Variants in PAPPA2 observed in about 807,000 individuals in gnomAD.
The protein encoded by PAPPA2 is pappalysin-2.
A neutral mutation model predicts 176.4 loss-of-function variants in PAPPA2; 86 were observed. That is an observed-to-expected ratio of 0.49 (90% confidence interval 0.41 to 0.58). The LOEUF is 0.58. Ranked by LOEUF, PAPPA2 falls within the 20% of genes least tolerant of loss-of-function variation. The pLI, the probability that PAPPA2 is intolerant of heterozygous loss-of-function variation, is 0.00. For synonymous variants in PAPPA2, 809 were observed against 852.2 expected, an observed-to-expected ratio of 0.95 and a Z score of 0.88; for missense variants, 2,073 against 2,256.9, an observed-to-expected ratio of 0.92 and a Z score of 1.65.
At chr1:176,652,344 T>C (rs1657775501) in intron 3 of PAPPA2, among the ~76,000 whole-genome samples, 1 of 151,808 alleles carries the variant, frequency 6.6e-6, no homozygotes, top group African/African-American at 2.4e-5. Context: ...TATCTATTAA[T>C]CTGTTGCTTT....
intron 12 of PAPPA2, among the ~76,000 whole-genome samples, chr1:176,731,036 A>G (rs1328194253): frequency 6.6e-6 from 1 of 152,076 alleles, no homozygotes; most frequent in African/African-American, 2.4e-5. Context: ...GTCCAAGGTA[A>G]AAATGTGTGC....
intron 21 of PAPPA2, among the ~76,000 whole-genome samples, chr1:176,802,966 C>T (rs1440200439): frequency 6.6e-6 from 1 of 152,164 alleles, no homozygotes; most frequent in Non-Finnish European, 1.5e-5. Flanking sequence ...TGCTTGTGTT[C>T]CCATTGTCCC....
chr1:176,691,221 A>C, intron 5 of PAPPA2: 1 of 958,612 alleles, frequency 1.0e-6, no homozygotes, highest in Non-Finnish European at 1.2e-6. Flanking sequence ...TGGTGAAAGA[A>C]GATATTTTTT....
intron 1 of PAPPA2, among the ~76,000 whole-genome samples, chr1:176,512,496 T>C (rs990802219): frequency 2.6e-5 from 4 of 152,126 alleles, no homozygotes; most frequent in African/African-American, 4.8e-5. Context: ...AGAAACTAGA[T>C]ACAAAAGAGT....
chr1:176,679,673 A>G (rs535238213), intron 4 of PAPPA2, among the ~76,000 whole-genome samples: 57 of 152,332 alleles, frequency 3.7e-4, no homozygotes, highest in African/African-American at 1.3e-3. Context: ...AGGCTGGTGC[A>G]AAACTCTGAG....
At chr1:176,687,661 G>A (rs1659905320) in intron 4 of PAPPA2, among the ~76,000 whole-genome samples, 1 of 152,110 alleles carries the variant, frequency 6.6e-6, no homozygotes, top group Admixed American at 6.6e-5. Context: ...AAGGACCTGG[G>A]CCTGTCTGGC....
At position 176,556,306 on chromosome 1, in the gene PAPPA2, A is replaced by T. The variant is rs763912827; in HGVS notation, c.-17A>T. 1 of 1,604,964 alleles carries T rather than the reference A, an allele frequency of 6.2e-7. No individual in the cohort carries two copies. The highest frequency in any genetic ancestry group is 1.7e-5 in the Admixed American group (1 of 59,394). Reference sequence around the variant, plus strand: ...CAGAAGTTGACTTCTGGTTCTGTAGAAAGAGCTAGGGGAGGTATGATGTGC... The same window carrying T: ...CAGAAGTTGACTTCTGGTTCTGTAGTAAGAGCTAGGGGAGGTATGATGTGC... On this transcript the variant is annotated 5_prime_UTR_variant, in exon 2 of 23. Coordinates refer to ENST00000367662, the MANE Select transcript of PAPPA2 (RefSeq NM_020318.3).
chr1:176,578,940 C>G (rs1652806165), intron 2 of PAPPA2, among the ~76,000 whole-genome samples: 1 of 152,142 alleles, frequency 6.6e-6, no homozygotes. Flanking sequence ...AGGTGGATTT[C>G]TGACAGTTCT....
chr1:176,572,008 C>T (rs1385206161), intron 2 of PAPPA2, among the ~76,000 whole-genome samples: 1 of 152,154 alleles, frequency 6.6e-6, no homozygotes, highest in Non-Finnish European at 1.5e-5. Flanking sequence ...ACCGTCAGAG[C>T]ATCACAGGCC....
At chr1:176,564,033 C>T (rs1266922918) in intron 2 of PAPPA2, among the ~76,000 whole-genome samples, 3 of 152,208 alleles carry the variant, frequency 2.0e-5, no homozygotes, top group Middle Eastern at 3.2e-3. Context: ...TCTCTCCCAG[C>T]CTTTTCAGGA....
intron 2 of PAPPA2, among the ~76,000 whole-genome samples, chr1:176,564,816 T>C (rs1651869545): frequency 6.6e-6 from 1 of 152,002 alleles, no homozygotes; most frequent in African/African-American, 2.4e-5. Flanking sequence ...TTTAGTATTC[T>C]TACAGACTTA....
chr1:176,528,035 C>A (rs1461259396), intron 1 of PAPPA2, among the ~76,000 whole-genome samples: 1 of 152,218 alleles, frequency 6.6e-6, no homozygotes, highest in Non-Finnish European at 1.5e-5. Flanking sequence ...CCTGGGTAAA[C>A]CATGACAGTT....
At chr1:176,689,681 T>G (rs1660011760) in intron 4 of PAPPA2, among the ~76,000 whole-genome samples, 2 of 152,166 alleles carry the variant, frequency 1.3e-5, no homozygotes, top group African/African-American at 4.8e-5. Flanking sequence ...TTAGATCAGA[T>G]TTCCTTGACT....
At chr1:176,657,481 G>A (rs552911584) in intron 3 of PAPPA2, among the ~76,000 whole-genome samples, 30 of 151,982 alleles carry the variant, frequency 2.0e-4, no homozygotes, top group Admixed American at 9.9e-4. Flanking sequence ...TTGAGAAAGC[G>A]TGGAGTTTGT....
At chr1:176,784,115 G>A (rs1348071248) in intron 17 of PAPPA2, among the ~76,000 whole-genome samples, 1 of 152,170 alleles carries the variant, frequency 6.6e-6, no homozygotes, top group Non-Finnish European at 1.5e-5. Context: ...TACAAATGAG[G>A]TATTTTAGCT....
At chr1:176,821,261 G>C (rs1485840114) in intron 21 of PAPPA2, among the ~76,000 whole-genome samples, 1 of 152,252 alleles carries the variant, frequency 6.6e-6, no homozygotes, top group Admixed American at 6.5e-5. Flanking sequence ...AGTATAAGCC[G>C]ATAATACAAT....
chr1:176,577,876 T>G (rs1297185525), intron 2 of PAPPA2, among the ~76,000 whole-genome samples: 1 of 152,152 alleles, frequency 6.6e-6, no homozygotes, highest in African/African-American at 2.4e-5. Flanking sequence ...AAAAACAAAC[T>G]TGCACCACAC....
At chr1:176,500,015 T>C (rs1456373781) in intron 1 of PAPPA2, among the ~76,000 whole-genome samples, 1 of 152,200 alleles carries the variant, frequency 6.6e-6, no homozygotes, top group Non-Finnish European at 1.5e-5. Flanking sequence ...CCTTTTGCAA[T>C]TTAATTAGAA....
chr1:176,547,724 GTACCCAC>G lies in PAPPA2; in HGVS notation c.-916-7680_-916-7674del, dbSNP rs1191572463. ...AGATGTTAAGCAGCATCCCTAGCCT[GTACCCAC>G]TAGATGACAGCAGTATCCATCTCTC... On this transcript the variant is annotated intron_variant, in intron 1 of 22. Coordinates refer to ENST00000367662, the MANE Select transcript of PAPPA2 (RefSeq NM_020318.3). Among the ~76,000 whole-genome samples, 168 of 152,250 alleles carry G rather than the reference GTACCCAC, an allele frequency of 1.1e-3. 2 individuals are homozygous for G. Among genetic ancestry groups the G allele is most frequent in the Non-Finnish European group, 1.8e-3 (125 of 68,014 alleles).
Sources: gnomAD v4.1 joint callset for allele counts (sites outside exome capture counted in the v4.1 genomes callset) on GRCh38, gnomAD v4.1.1 for gene constraint, MANE v1.5 for transcripts, NCBI Gene and HGNC (gene_info 2026-07-23, HGNC 2026-07-21) for gene names.